The following TANGO6 variants were observed in gnomAD, a reference collection of about 807,000 sequenced individuals.
TANGO6 encodes the protein transport and golgi organization 6 homolog, also known as transport and Golgi organization protein 6 homolog.
Under a neutral mutation model 114.2 loss-of-function variants are expected in TANGO6, and 90 were observed. The observed-to-expected ratio is 0.79, with a 90% confidence interval of 0.66 to 0.94. TANGO6 has a LOEUF of 0.94. Among genes scored for constraint, TANGO6 ranks in the 40% least tolerant of loss-of-function variants. TANGO6 has a pLI of 0.00. For synonymous variants in TANGO6, 477 were observed against 509.8 expected, an observed-to-expected ratio of 0.94 and a Z score of 0.87; for missense variants, 1,274 against 1,315.3, an observed-to-expected ratio of 0.97 and a Z score of 0.49.
rs750254133 is a variant in TANGO6 at position 68,974,158 on chromosome 16, C to A, written c.2832C>A (p.Val944=). Residue 944 remains valine (V), a synonymous_variant, in exon 15 of 18, where the codon GTC becomes GTA. Transcript: ENST00000261778. The part of the protein sequence containing the change: ...MKVGEVLMRI[V]RALGDMVSKY... ...TCGGGGAAGTCCTTATGCGAATCGT[C>A]AGGGCATTAGGTGAGTTTTCTTGTT... 9 of 1,613,806 alleles carry A rather than the reference C, an allele frequency of 5.6e-6. No individual in the cohort carries two copies. In the African/African-American group the frequency reaches 1.1e-4, roughly 19 times the overall value.
At chr16:69,049,382 A>G (rs1597071904) in intron 17 of TANGO6, among the ~76,000 whole-genome samples, 1 of 151,190 alleles carries the variant, frequency 6.6e-6, no homozygotes, top group Non-Finnish European at 1.5e-5. Context: ...TTCCTTTAGT[A>G]TCATGTGGTT....
intron 14 of TANGO6, chr16:68,933,775 T>C (rs1325620007): frequency 6.6e-6 from 1 of 152,216 alleles, no homozygotes; most frequent in Admixed American, 6.5e-5. Context: ...TAGAGAAATA[T>C]ATGCTGTCCC....
chr16:68,864,550 C>T (rs907933572), intron 3 of TANGO6, among the ~76,000 whole-genome samples: 4 of 152,070 alleles, frequency 2.6e-5, no homozygotes, highest in Non-Finnish European at 5.9e-5. Flanking sequence ...CACTGCACTT[C>T]AGCCTGGGCA....
At chr16:69,063,643 CAAAAA>C (rs770332921) in intron 17 of TANGO6, among the ~76,000 whole-genome samples, 2 of 35,778 alleles carry the variant, frequency 5.6e-5, no homozygotes, top group Non-Finnish European at 1.1e-4. Flanking sequence ...ACTCCATCTC[CAAAAA>C]AAAAAAAAAA....
chr16:68,897,298 G>A (rs1340448895), intron 7 of TANGO6, among the ~76,000 whole-genome samples: 13 of 151,852 alleles, frequency 8.6e-5, no homozygotes, highest in Non-Finnish European at 1.2e-4. Flanking sequence ...CCTAGCACTC[G>A]TCACTACCTG....
chr16:68,878,010 T>C (rs1962394814), intron 5 of TANGO6, 108 bp from the exon 6 acceptor site: 2 of 885,778 alleles, frequency 2.3e-6, no homozygotes, highest in Non-Finnish European at 3.3e-6. Flanking sequence ...ATCAGTGTTA[T>C]TGAGGTGAAT....
At chr16:69,014,895 CAA>C (rs201424773) in intron 15 of TANGO6, among the ~76,000 whole-genome samples, 78 of 97,104 alleles carry the variant, frequency 8.0e-4, no homozygotes, top group African/African-American at 8.3e-4. Flanking sequence ...GACCTTGTCT[CAA>C]AAAAAAAAAA....
chr16:69,052,008 C>T (rs1361012024), intron 17 of TANGO6, among the ~76,000 whole-genome samples: 2 of 148,470 alleles, frequency 1.3e-5, no homozygotes, highest in Non-Finnish European at 3.0e-5. Context: ...GGTGCAGTGC[C>T]ACCATCATGG....
chr16:69,066,882 G>A (rs1268292377), intron 17 of TANGO6, among the ~76,000 whole-genome samples: 2 of 152,112 alleles, frequency 1.3e-5, no homozygotes, highest in East Asian at 3.9e-4. Flanking sequence ...TCAAGACCCC[G>A]TCTCTACAAA....
At chr16:69,081,832 C>CT (rs1346630417) in intron 17 of TANGO6, among the ~76,000 whole-genome samples, 21,033 of 138,724 alleles carry the variant, frequency 0.15, 1,950 homozygotes, top group African/African-American at 0.28. Context: ...TAGTAGCAGA[C>CT]TTTTTTTTTT....
At chr16:68,913,210 C>G (rs537725566) in intron 11 of TANGO6, among the ~76,000 whole-genome samples, 1 of 151,960 alleles carries the variant, frequency 6.6e-6, no homozygotes, top group East Asian at 1.9e-4. Context: ...GGACTACAGG[C>G]ATGCACCACC....
Position 69,084,924 on chromosome 16 carries a change from T to C in TANGO6, c.*1263T>C, listed in dbSNP as rs1276844618. ...ATCACAGACATGGTTCTGAGTCAGATCTTCCTTGGTGGCATCCCTTTAAAG... is the reference window on the plus strand; with the variant it reads ...ATCACAGACATGGTTCTGAGTCAGACCTTCCTTGGTGGCATCCCTTTAAAG... On this transcript the variant is annotated 3_prime_UTR_variant, in exon 18 of 18. Transcript: ENST00000261778. The C allele has an allele frequency of 2.6e-5, 4 of 152,372 alleles. No individual in the cohort carries two copies. Among genetic ancestry groups the C allele is most frequent in the African/African-American group, 9.6e-5 (4 of 41,474 alleles). 9.4% of individuals were successfully genotyped at this position (152,372 alleles called of 1,614,324 possible). A position where few individuals can be genotyped will look rare whatever the true frequency, so the allele number is the denominator to read the frequency against.
chr16:68,993,600 A>C (rs549219201), intron 15 of TANGO6, among the ~76,000 whole-genome samples: 62 of 152,344 alleles, frequency 4.1e-4, no homozygotes, highest in Non-Finnish European at 8.2e-4. Flanking sequence ...TGATCTGTTA[A>C]TAATTTAAAC....
At chr16:68,956,348 G>A (rs1963529766) in intron 14 of TANGO6, among the ~76,000 whole-genome samples, 1 of 152,150 alleles carries the variant, frequency 6.6e-6, no homozygotes, top group Non-Finnish European at 1.5e-5. Flanking sequence ...TTAAGCTGTG[G>A]GTTTCATGGC....
intron 15 of TANGO6, among the ~76,000 whole-genome samples, chr16:69,002,524 C>T (rs1964053582): frequency 6.6e-6 from 1 of 152,036 alleles, no homozygotes; most frequent in African/African-American, 2.4e-5. Flanking sequence ...GACAGTTTTC[C>T]CTGCTCTTGC....
At chr16:68,880,263 C>A (rs1162803705) in intron 6 of TANGO6, among the ~76,000 whole-genome samples, 4 of 152,134 alleles carry the variant, frequency 2.6e-5, no homozygotes, top group Non-Finnish European at 5.9e-5. Flanking sequence ...TGAGCCACCA[C>A]ACCTGGCCTA....
chr16:68,916,923 C>T (rs1235106976), intron 11 of TANGO6, among the ~76,000 whole-genome samples: 1 of 152,102 alleles, frequency 6.6e-6, no homozygotes, highest in Non-Finnish European at 1.5e-5. Context: ...CACCACCCAA[C>T]GTCCATAGTT....
chr16:69,062,144 T>C (rs1377967298), intron 17 of TANGO6, among the ~76,000 whole-genome samples: 2 of 152,240 alleles, frequency 1.3e-5, no homozygotes, highest in Non-Finnish European at 2.9e-5. Context: ...GATGCAATTT[T>C]AATTTGTGGG....
At chr16:68,851,045 T>C (rs2152150745) in intron 1 of TANGO6, among the ~76,000 whole-genome samples, 1 of 152,348 alleles carries the variant, frequency 6.6e-6, no homozygotes, top group East Asian at 1.9e-4. Flanking sequence ...AAATTTATTC[T>C]TAAATTGCTT....
Sources: gnomAD v4.1 joint callset for allele counts (sites outside exome capture counted in the v4.1 genomes callset) on GRCh38, gnomAD v4.1.1 for gene constraint, MANE v1.5 for transcripts, NCBI Gene and HGNC (gene_info 2026-07-23, HGNC 2026-07-21) for gene names.